The following TRAF3 variants were observed in gnomAD, a reference collection of about 807,000 sequenced individuals.
The protein encoded by TRAF3 is TNF receptor-associated factor 3.
A neutral mutation model predicts 62.3 loss-of-function variants in TRAF3; 13 were observed. The ratio of observed to expected loss-of-function variants is 0.21; its 90% confidence interval spans 0.14 to 0.33. TRAF3 has a LOEUF of 0.33. TRAF3 is among the 10% of genes least tolerant of loss of function. The probability of loss-of-function intolerance (pLI) is 1.00; values close to 1 mark genes in which losing one functional copy is unlikely to be tolerated. For missense variants in TRAF3, 440 were observed against 741.8 expected, an observed-to-expected ratio of 0.59 and a Z score of 4.73; for synonymous variants, 269 against 283.4, an observed-to-expected ratio of 0.95 and a Z score of 0.51.
chr14:102,782,336 C>T (rs1897304331), intron 1 of TRAF3, among the ~76,000 whole-genome samples: 1 of 151,988 alleles, frequency 6.6e-6, no homozygotes, highest in Non-Finnish European at 1.5e-5. Context: ...TGGGCTCAAG[C>T]AATGCTCCTG....
rs1890417222 is a variant in TRAF3, at chr14:102,903,556, G to A, written c.1135+127G>A. 3 of 1,321,528 alleles carry A rather than the reference G, an allele frequency of 2.3e-6. No homozygotes were observed. Among genetic ancestry groups the A allele is most frequent in the East Asian group, 2.5e-5 (1 of 40,160 alleles). The allele number at this position is 1,321,528 out of a possible 1,614,324, so 81.9% of individuals were successfully genotyped here. A position where few individuals can be genotyped will look rare whatever the true frequency, so the allele number is the denominator to read the frequency against. ...TTAGGACAGTTTTTTCTAATTATGG[G>A]TAACACGCAGAGGTGTGATGACTTT... On this transcript the variant is annotated intron_variant, in intron 11 of 11. Transcript: ENST00000392745. The surrounding 1 kb of genome is among the most constrained non-coding windows in gnomAD (Gnocchi z 6.4).
At chr14:102,798,986 A>C (rs1393409976) in intron 1 of TRAF3, among the ~76,000 whole-genome samples, 1 of 152,250 alleles carries the variant, frequency 6.6e-6, no homozygotes, top group East Asian at 1.9e-4. Context: ...TACCGAGGTC[A>C]GAATAGGACT....
intron 1 of TRAF3, among the ~76,000 whole-genome samples, chr14:102,816,748 A>G (rs891691044): frequency 1.3e-5 from 2 of 152,198 alleles, no homozygotes; most frequent in African/African-American, 4.8e-5. Flanking sequence ...GGTTGTTTCC[A>G]GTCTTCTCTG....
chr14:102,788,981 A>G (rs1408021191), intron 1 of TRAF3, among the ~76,000 whole-genome samples: 5 of 152,186 alleles, frequency 3.3e-5, no homozygotes, highest in Non-Finnish European at 7.3e-5. Flanking sequence ...TTAAAAAAGA[A>G]AAACAACTTT....
chr14:102,862,833 A>G (rs962571671), intron 2 of TRAF3, among the ~76,000 whole-genome samples: 2 of 151,792 alleles, frequency 1.3e-5, no homozygotes, highest in African/African-American at 4.8e-5. Context: ...TATAATCTCA[A>G]TTATCCTATC....
At chr14:102,880,834 T>G (rs1595390449) in intron 6 of TRAF3, among the ~76,000 whole-genome samples, 1 of 152,134 alleles carries the variant, frequency 6.6e-6, no homozygotes, top group Non-Finnish European at 1.5e-5. Context: ...TCGCAGCACT[T>G]TGGGAGGCCG....
rs1334148631 is a variant in TRAF3 at position 102,812,677 on chromosome 14, T to C, written c.-156-17657T>C. Among the ~76,000 whole-genome samples the C allele has an allele frequency of 3.9e-5, 6 of 152,060 alleles. No homozygotes were observed. In the East Asian group the frequency reaches 9.7e-4, roughly 25 times the overall value. ...GCTCACGCCTGTAATCCCAGCACTTTGGGAGGCCGAGGGGGGCGGATCACG... is the reference window on the plus strand; with the variant it reads ...GCTCACGCCTGTAATCCCAGCACTTCGGGAGGCCGAGGGGGGCGGATCACG... On this transcript the variant is annotated intron_variant, in intron 1 of 11. Transcript: ENST00000392745.
chr14:102,887,443 A>G (rs979148020), intron 7 of TRAF3, among the ~76,000 whole-genome samples: 6 of 152,348 alleles, frequency 3.9e-5, no homozygotes, highest in African/African-American at 1.4e-4. Context: ...AGCACCTTGA[A>G]GCTGATGGGT....
At chr14:102,883,046 C>T (rs1370970008) in intron 6 of TRAF3, among the ~76,000 whole-genome samples, 1 of 152,154 alleles carries the variant, frequency 6.6e-6, no homozygotes, top group Admixed American at 6.5e-5. Flanking sequence ...AATCAACTGT[C>T]AGTATCCTAC....
At chr14:102,875,824 G>A (rs1229464429) in intron 5 of TRAF3, 96 bp downstream of exon 5, 2 of 1,037,398 alleles carry the variant, frequency 1.9e-6, no homozygotes, top group African/African-American at 1.6e-5. Context: ...GGCACTTTAA[G>A]ACCATGTTGA....
At chr14:102,850,374 TA>T (rs1886962264) in intron 2 of TRAF3, among the ~76,000 whole-genome samples, 1 of 151,874 alleles carries the variant, frequency 6.6e-6, no homozygotes, top group Non-Finnish European at 1.5e-5. Flanking sequence ...AGTAATAGAG[TA>T]AAAATTCTGC....
intron 1 of TRAF3, among the ~76,000 whole-genome samples, chr14:102,805,223 T>C (rs1227587679): frequency 6.6e-6 from 1 of 152,218 alleles, no homozygotes; most frequent in Non-Finnish European, 1.5e-5. Flanking sequence ...TGGGGGAGTT[T>C]GGAGGCCAGG....
At chr14:102,869,690 C>G (rs1888213681) in intron 2 of TRAF3, among the ~76,000 whole-genome samples, 1 of 151,592 alleles carries the variant, frequency 6.6e-6, no homozygotes, top group Non-Finnish European at 1.5e-5. Flanking sequence ...CCTGTAGTCT[C>G]AGCTACTCGG....
intron 2 of TRAF3, among the ~76,000 whole-genome samples, chr14:102,845,476 T>A (rs946204471): frequency 1.3e-5 from 2 of 151,484 alleles, no homozygotes; most frequent in African/African-American, 4.9e-5. Context: ...GTGCTGAGAT[T>A]ACAGGCATGA....
intron 2 of TRAF3, among the ~76,000 whole-genome samples, chr14:102,853,279 C>A (rs529042854): frequency 1.3e-5 from 2 of 152,060 alleles, no homozygotes; most frequent in African/African-American, 4.8e-5. Flanking sequence ...TCAAGCAGTC[C>A]TCTTGCCTTG....
intron 2 of TRAF3, among the ~76,000 whole-genome samples, chr14:102,836,232 A>G (rs1032457828): frequency 2.0e-5 from 3 of 152,216 alleles, no homozygotes; most frequent in Non-Finnish European, 1.5e-5. Flanking sequence ...TGGCTTGTGG[A>G]TGCCCCTCAC....
chr14:102,853,556 C>T (rs1183900544), intron 2 of TRAF3, among the ~76,000 whole-genome samples: 8 of 151,170 alleles, frequency 5.3e-5, no homozygotes, highest in East Asian at 4.0e-4. Context: ...ATGTTACGGC[C>T]GGGCGTGGTG....
chr14:102,877,087 C>T (rs186231367), intron 6 of TRAF3, among the ~76,000 whole-genome samples: 1 of 150,184 alleles, frequency 6.7e-6, no homozygotes, highest in Admixed American at 6.6e-5. Flanking sequence ...TTCCACAGAC[C>T]TTGTGCTCGA....
intron 2 of TRAF3, among the ~76,000 whole-genome samples, chr14:102,837,292 C>T (rs1886085593): frequency 6.6e-6 from 1 of 151,978 alleles, no homozygotes; most frequent in Non-Finnish European, 1.5e-5. Flanking sequence ...GTGCATGCCA[C>T]CACACCTGGC....
Sources: gnomAD v4.1 joint callset for allele counts (sites outside exome capture counted in the v4.1 genomes callset) on GRCh38, gnomAD v4.1.1 for gene constraint, Gnocchi (gnomAD v3.1) non-coding constraint, MANE v1.5 for transcripts, NCBI Gene and HGNC (gene_info 2026-07-23, HGNC 2026-07-21) for gene names.